REV3L: variants seen among roughly 807,000 people sequenced by gnomAD.
The protein encoded by REV3L is DNA polymerase zeta catalytic subunit.
A neutral mutation model predicts 299.4 loss-of-function variants in REV3L; 69 were observed. That is an observed-to-expected ratio of 0.23 (90% CI 0.19 to 0.28). The LOEUF is 0.28. REV3L is among the 10% of genes least tolerant of loss of function. The pLI is 1.00. For synonymous variants in REV3L, 1,238 were observed against 1,271.4 expected (o/e 0.97, Z 0.56); for missense variants, 3,128 against 3,693.8 (o/e 0.85, Z 3.97).
At chr6:111,368,159 A>G in intron 13 of REV3L, 131 bp from the exon 14 acceptor site, 1 of 717,696 alleles carries the variant, frequency 1.4e-6, no homozygotes. Flanking sequence ...TGCCCCCTCT[A>G]TATTGTGCAG....
chr6:111,364,677 ATATATAAG>A (rs1779032085), intron 15 of REV3L, among the ~76,000 whole-genome samples: 1 of 152,030 alleles, frequency 6.6e-6, no homozygotes, highest in South Asian at 2.1e-4. Context: ...GAAGTGGCCA[ATATATAAG>A]TGATTTCTAG....
intron 21 of REV3L, among the ~76,000 whole-genome samples, 175 bp downstream of exon 21, chr6:111,343,750 G>A (rs774619525): frequency 3.3e-5 from 5 of 152,094 alleles, no homozygotes; most frequent in African/African-American, 7.2e-5. Flanking sequence ...GGCTGGTCTC[G>A]AACTCCTGAT....
intron 1 of REV3L, among the ~76,000 whole-genome samples, chr6:111,457,582 G>A (rs1270885123): frequency 6.6e-6 from 1 of 150,934 alleles, no homozygotes; most frequent in African/African-American, 2.5e-5. Flanking sequence ...AATAATTGAT[G>A]CTTCAGGAAC....
intron 1 of REV3L, among the ~76,000 whole-genome samples, chr6:111,455,489 T>C (rs1002534517): frequency 6.6e-6 from 1 of 152,172 alleles, no homozygotes; most frequent in African/African-American, 2.4e-5. Flanking sequence ...AAAAACTTTA[T>C]GTTGTCTAGA....
chr6:111,325,370 T>C (rs182075714), intron 25 of REV3L, among the ~76,000 whole-genome samples: 2 of 152,214 alleles, frequency 1.3e-5, no homozygotes, highest in Non-Finnish European at 2.9e-5. Context: ...GACATTAACC[T>C]CCACTATTAG....
In REV3L at chr6:111,363,976, A is replaced by C. The variant is rs1330890682; in HGVS notation, c.6756T>G (p.Asn2252Lys). ...LRRVLLTQAKNQFAAVNTPQK... is the reference protein window; with the variant it reads ...LRRVLLTQAKKQFAAVNTPQK... ...GTGGGGTATTTACTGCTGCAAATTG[A>C]TTCTATAAAAAAAAACACACACACA... The change falls in exon 16 of 32, where the codon AAT becomes AAG. Residue 2252 changes from asparagine to lysine, a missense_variant and splice_region_variant. Around this residue, in one of 9 missense-constraint regions of REV3L, gnomAD observed 2,409 missense variants for 2,611.8 expected, o/e 0.92. Coordinates refer to ENST00000368802, the MANE Select transcript of REV3L (RefSeq NM_001372078.1). The C allele has an allele frequency of 6.2e-7, 1 of 1,603,956 alleles. No individual in the cohort carries two copies. The highest frequency in any genetic ancestry group is 8.5e-7 in the Non-Finnish European group (1 of 1,176,732).
intron 31 of REV3L, among the ~76,000 whole-genome samples, chr6:111,301,125 C>T (rs1038069714): frequency 2.0e-5 from 3 of 151,534 alleles, no homozygotes; most frequent in South Asian, 2.1e-4. Flanking sequence ...GTTGTAGACA[C>T]GGGATGAAAT....
Position 111,299,921 on chromosome 6 carries a change from T to C in REV3L, c.*95A>G. The C allele has an allele frequency of 8.1e-7, 1 of 1,232,784 alleles. No individual in the cohort carries two copies. The highest frequency in any genetic ancestry group is 1.6e-5 in the South Asian group (1 of 63,392). The allele number at this position is 1,232,784 out of a possible 1,614,324, so 76.4% of individuals were successfully genotyped here. ...GTCTTCAGATAACAGACAGTGAACATCCTTGACTCGATGAAAGTTAAAAAG... is the reference window on the plus strand; with the variant it reads ...GTCTTCAGATAACAGACAGTGAACACCCTTGACTCGATGAAAGTTAAAAAG... On this transcript the variant is annotated 3_prime_UTR_variant, in exon 32 of 32. Transcript: ENST00000368802.
intron 1 of REV3L, among the ~76,000 whole-genome samples, chr6:111,444,997 G>A (rs1418210347): frequency 1.3e-5 from 2 of 152,194 alleles, no homozygotes; most frequent in Non-Finnish European, 2.9e-5. Context: ...AACTAACCTA[G>A]GCAGTCAAGC....
chr6:111,354,019 T>G (rs868413425), intron 18 of REV3L: 25 of 152,320 alleles, frequency 1.6e-4, no homozygotes, highest in African/African-American at 5.8e-4. Flanking sequence ...CCCACACAGT[T>G]GTCTGCTAAG....
Position 111,472,046 on chromosome 6 carries a change from T to C in REV3L, c.139+10704A>G. On this transcript the variant is annotated intron_variant, in intron 1 of 31. Coordinates refer to ENST00000368802, the MANE Select transcript of REV3L (RefSeq NM_001372078.1). Reference sequence around the variant, plus strand: ...GAGAAAAACAATTTTGAGAGAAATCTTCCTCAGATATATTATTCCATAGTT... The same window carrying C: ...GAGAAAAACAATTTTGAGAGAAATCCTCCTCAGATATATTATTCCATAGTT... The C allele has an allele frequency of 3.3e-6, 4 of 1,203,736 alleles. No individual in the cohort carries two copies. The South Asian group carries it at 4.4e-5, about 13-fold the overall frequency. The allele number at this position is 1,203,736 out of a possible 1,614,324, so 74.6% of individuals were successfully genotyped here. A position where few individuals can be genotyped will look rare whatever the true frequency, so the allele number is the denominator to read the frequency against.
At chr6:111,334,283 A>T (rs1775694289) in intron 22 of REV3L, among the ~76,000 whole-genome samples, 1 of 152,168 alleles carries the variant, frequency 6.6e-6, no homozygotes, top group African/African-American at 2.4e-5. Context: ...AAACTGTAGG[A>T]CAGACAGCTG....
At chr6:111,386,157 T>C (rs1781324086) in intron 9 of REV3L, among the ~76,000 whole-genome samples, 1 of 152,296 alleles carries the variant, frequency 6.6e-6, no homozygotes, top group East Asian at 1.9e-4. Flanking sequence ...CTCTTCTACA[T>C]GTGTTTGGTA....
intron 1 of REV3L, among the ~76,000 whole-genome samples, chr6:111,421,060 G>A (rs563480466): frequency 8.5e-5 from 13 of 152,228 alleles, no homozygotes; most frequent in Non-Finnish European, 1.3e-4. Flanking sequence ...CCCGGGAGGC[G>A]GAGGTTGCAG....
At chr6:111,429,948 C>T (rs533426917) in intron 1 of REV3L, among the ~76,000 whole-genome samples, 4 of 152,096 alleles carry the variant, frequency 2.6e-5, no homozygotes, top group South Asian at 2.1e-4. Context: ...GTGGGCAGCT[C>T]GGGGCACAAC....
At chr6:111,336,331 C>G (rs1775894536) in intron 21 of REV3L, among the ~76,000 whole-genome samples, 1 of 151,812 alleles carries the variant, frequency 6.6e-6, no homozygotes, top group Admixed American at 6.6e-5. Context: ...AAAATTTATT[C>G]ATTTGAAGAT....
At chr6:111,381,741 A>T (rs569639347) in intron 9 of REV3L, among the ~76,000 whole-genome samples, 2 of 152,224 alleles carry the variant, frequency 1.3e-5, no homozygotes, top group Admixed American at 1.3e-4. Context: ...ATTCAAATAT[A>T]TAAAGTGAAA....
intron 1 of REV3L, among the ~76,000 whole-genome samples, chr6:111,451,965 T>A (rs1357000017): frequency 6.6e-6 from 1 of 151,660 alleles, no homozygotes; most frequent in Non-Finnish European, 1.5e-5. Context: ...CTGCAAAACA[T>A]GTATCTGATA....
chr6:111,422,616 A>ACATATATATATATATACG, intron 1 of REV3L, among the ~76,000 whole-genome samples: 1 of 17,644 alleles, frequency 5.7e-5, no homozygotes, highest in East Asian at 8.2e-4. Context: ...ATATATACAC[A>ACATATATATATATATACG]TATATATATA....
Sources: gnomAD v4.1 joint callset for allele counts (sites outside exome capture counted in the v4.1 genomes callset) on GRCh38, gnomAD v4.1.1 for gene constraint, gnomAD v4.1.1 regional missense constraint, MANE v1.5 for transcripts, NCBI Gene and HGNC (gene_info 2026-07-23, HGNC 2026-07-21) for gene names.